ENOX1: variants seen among roughly 807,000 people sequenced by gnomAD.
The protein encoded by ENOX1 is candidate growth-related and time keeping constitutive hydroquinone (NADH) oxidase.
ENOX1 carries 42 observed loss-of-function variants against 82.5 expected under a neutral mutation model. That is an observed-to-expected ratio of 0.51 (90% CI 0.40 to 0.66). The LOEUF (loss-of-function observed/expected upper bound fraction) is 0.66, where lower values mean the gene tolerates loss of function less well. Among genes scored for constraint, ENOX1 ranks in the 30% least tolerant of loss-of-function variants. ENOX1 has a pLI of 0.00. For missense variants in ENOX1, 608 were observed against 811.6 expected (o/e 0.75, Z 3.05); for synonymous variants, 271 against 282.2 (o/e 0.96, Z 0.40).
intron 3 of ENOX1, among the ~76,000 whole-genome samples, chr13:43,470,378 A>ATGTG (rs1426793568): frequency 0.2 from 7,275 of 35,672 alleles, 2,089 homozygotes; most frequent in South Asian, 0.58. Flanking sequence ...ATATATATAC[A>ATGTG]TATATATACG....
At chr13:43,632,615 T>C (rs1442223444) in intron 2 of ENOX1, among the ~76,000 whole-genome samples, 1 of 151,970 alleles carries the variant, frequency 6.6e-6, no homozygotes, top group Non-Finnish European at 1.5e-5. Context: ...CCAGCTAATT[T>C]TTTGTATTTT....
intron 2 of ENOX1, among the ~76,000 whole-genome samples, chr13:43,554,120 C>A (rs1390227838): frequency 6.6e-6 from 1 of 152,080 alleles, no homozygotes; most frequent in Non-Finnish European, 1.5e-5. Flanking sequence ...ACAGGTGGAT[C>A]CTAGATAAGG....
At chr13:43,625,968 C>A (rs2082945476) in intron 2 of ENOX1, among the ~76,000 whole-genome samples, 1 of 151,718 alleles carries the variant, frequency 6.6e-6, no homozygotes, top group South Asian at 2.1e-4. Flanking sequence ...ACAAATAGGG[C>A]CTGGATATTT....
intron 2 of ENOX1, among the ~76,000 whole-genome samples, chr13:43,490,299 G>T (rs2076576671): frequency 6.6e-6 from 1 of 152,164 alleles, no homozygotes; most frequent in South Asian, 2.1e-4. Flanking sequence ...CAGGTTCATA[G>T]CAGGAGAGCA....
chr13:43,747,042 T>G (rs1428954031), intron 1 of ENOX1, among the ~76,000 whole-genome samples: 3 of 152,150 alleles, frequency 2.0e-5, no homozygotes, highest in Admixed American at 2.0e-4. Context: ...CCCCTCCAGT[T>G]TAGCAAGCTG....
chr13:43,453,327 C>T (rs995494609), intron 3 of ENOX1, among the ~76,000 whole-genome samples: 1 of 152,184 alleles, frequency 6.6e-6, no homozygotes, highest in African/African-American at 2.4e-5. Flanking sequence ...AGCAGTACCT[C>T]TGGGCTCTGT....
chr13:43,536,377 T>C lies in ENOX1; in HGVS notation c.-218-52225A>G, dbSNP rs182150073. Among the ~76,000 whole-genome samples, 130 of 152,342 alleles carry C rather than the reference T, an allele frequency of 8.5e-4. 1 individual carries two copies. The highest frequency in any genetic ancestry group is 1.2e-3 in the Non-Finnish European group (80 of 68,028). On this transcript the variant is annotated intron_variant, in intron 2 of 16. Transcript: ENST00000690772. Reference sequence around the variant, plus strand: ...AATGAAGCAGGTAACTAGCCTTGCATTTTAGAATTTTAGTCCTGTTTCATA... The same window carrying C: ...AATGAAGCAGGTAACTAGCCTTGCACTTTAGAATTTTAGTCCTGTTTCATA...
intron 1 of ENOX1, among the ~76,000 whole-genome samples, chr13:43,750,685 G>T (rs1378684827): frequency 6.6e-6 from 1 of 152,116 alleles, no homozygotes; most frequent in African/African-American, 2.4e-5. Flanking sequence ...GTAGGGTAAG[G>T]CAAAGACAGG....
At chr13:43,652,575 G>A (rs2084243875) in intron 2 of ENOX1, among the ~76,000 whole-genome samples, 1 of 152,166 alleles carries the variant, frequency 6.6e-6, no homozygotes, top group African/African-American at 2.4e-5. Flanking sequence ...AGGTGGAGGA[G>A]GGTGACTAAG....
intron 3 of ENOX1, among the ~76,000 whole-genome samples, chr13:43,413,918 G>C (rs2054292924): frequency 6.6e-6 from 1 of 151,594 alleles, no homozygotes; most frequent in South Asian, 2.1e-4. Context: ...TCAGATGAGT[G>C]GCATGACAAG....
At chr13:43,768,558 T>C (rs1951414109) in intron 1 of ENOX1, among the ~76,000 whole-genome samples, 1 of 152,050 alleles carries the variant, frequency 6.6e-6, no homozygotes, top group South Asian at 2.1e-4. Flanking sequence ...GAGTTCGAGG[T>C]TACAGTGAGC....
chr13:43,747,292 T>C lies in ENOX1; in HGVS notation c.-285+39360A>G, dbSNP rs1013642688. On this transcript the variant is annotated intron_variant, in intron 1 of 16. Transcript: ENST00000690772. ...TGAACCAATGTGTTATGATACTATA[T>C]GGTATTATTATTGTGCACAAAAAGA... 9.9e-5 allele frequency among the ~76,000 whole-genome samples: 15 copies of C among 152,134 alleles called. 1 individual carries two copies. The highest frequency in any genetic ancestry group is 1.9e-4 in the Non-Finnish European group (13 of 68,026).
At chr13:43,652,194 G>A (rs1019923605) in intron 2 of ENOX1, among the ~76,000 whole-genome samples, 1 of 152,122 alleles carries the variant, frequency 6.6e-6, no homozygotes, top group Admixed American at 6.5e-5. Flanking sequence ...CAGGAGTCAG[G>A]GGTGGAGGGG....
chr13:43,517,228 G>A (rs1375992072), intron 2 of ENOX1, among the ~76,000 whole-genome samples: 1 of 152,156 alleles, frequency 6.6e-6, no homozygotes, highest in African/African-American at 2.4e-5. Context: ...TGGGTGTGGT[G>A]GCTGAAGCCT....
intron 16 of ENOX1, among the ~76,000 whole-genome samples, chr13:43,217,197 G>T (rs1360388433): frequency 6.6e-6 from 1 of 152,120 alleles, no homozygotes; most frequent in Non-Finnish European, 1.5e-5. Flanking sequence ...GCCCTGGGTG[G>T]GTGTGGATGC....
chr13:43,648,094 T>A (rs1304826548), intron 2 of ENOX1, among the ~76,000 whole-genome samples: 1 of 152,226 alleles, frequency 6.6e-6, no homozygotes, highest in Non-Finnish European at 1.5e-5. Context: ...CTGTTAAGAC[T>A]ATACATCTGT....
chr13:43,282,450 TTC>T (rs911203434), intron 12 of ENOX1, among the ~76,000 whole-genome samples: 2 of 146,330 alleles, frequency 1.4e-5, no homozygotes, highest in Non-Finnish European at 3.1e-5. Context: ...GTATTCTTTT[TTC>T]TTTTTTTTTT....
At chr13:43,532,895 T>G (rs2078291579) in intron 2 of ENOX1, among the ~76,000 whole-genome samples, 1 of 150,568 alleles carries the variant, frequency 6.6e-6, no homozygotes, top group South Asian at 2.1e-4. Flanking sequence ...ATATTAAATA[T>G]ATATATTAAA....
At chr13:43,670,735 C>T (rs2085220906) in intron 1 of ENOX1, among the ~76,000 whole-genome samples, 1 of 152,078 alleles carries the variant, frequency 6.6e-6, no homozygotes, top group South Asian at 2.1e-4. Context: ...CCCAGCTACT[C>T]AGGAGGCTGA....
Sources: gnomAD v4.1 joint callset for allele counts (sites outside exome capture counted in the v4.1 genomes callset) on GRCh38, gnomAD v4.1.1 for gene constraint, MANE v1.5 for transcripts, NCBI Gene and HGNC (gene_info 2026-07-23, HGNC 2026-07-21) for gene names.